Variants in UBE2D3 observed in about 807,000 individuals in gnomAD.
The protein encoded by UBE2D3 is ubiquitin-conjugating enzyme E2 D3.
UBE2D3 carries 2 observed loss-of-function variants against 22.8 expected under a neutral mutation model. The observed-to-expected ratio is 0.09, with a 90% CI of 0.04 to 0.28. UBE2D3 has a LOEUF of 0.28. Ranked by LOEUF, UBE2D3 falls within the 10% of genes least tolerant of loss-of-function variation. UBE2D3 has a pLI of 1.00. For synonymous variants in UBE2D3, 56 were observed against 60.4 expected, an observed-to-expected ratio of 0.93 and a Z score of 0.34; for missense variants, 27 against 182.5, an observed-to-expected ratio of 0.15 and a Z score of 4.91.
intron 4 of UBE2D3, among the ~76,000 whole-genome samples, chr4:102,807,763 C>T (rs781606368): frequency 2.0e-5 from 3 of 152,172 alleles, no homozygotes; most frequent in Admixed American, 2.0e-4. Flanking sequence ...GAATAAGCAA[C>T]ACCATTCTCT....
chr4:102,835,777 C>CATATAT (rs35910265), intron 1 of UBE2D3, among the ~76,000 whole-genome samples: 19 of 151,810 alleles, frequency 1.3e-4, no homozygotes, highest in African/African-American at 4.4e-4. Context: ...GATAAGCTAA[C>CATATAT]ATATATATAT....
At chr4:102,825,621 T>A (rs887765028) in intron 2 of UBE2D3, 219 of 1,221,940 alleles carry the variant, frequency 1.8e-4, no homozygotes, top group Non-Finnish European at 2.2e-4. Context: ...CTCCGAAAAA[T>A]CCTAGTTTTT....
At chr4:102,810,055 A>G in intron 2 of UBE2D3, 200 bp from the exon 3 acceptor site, 1 of 542,676 alleles carries the variant, frequency 1.8e-6, no homozygotes, top group Non-Finnish European at 3.3e-6. Flanking sequence ...GTTCGTAAAA[A>G]TATATATGCA....
At chr4:102,859,285 T>C (rs1454267793) in intron 1 of UBE2D3, among the ~76,000 whole-genome samples, 1 of 152,034 alleles carries the variant, frequency 6.6e-6, no homozygotes, top group Non-Finnish European at 1.5e-5. Flanking sequence ...GAAAGTCTTA[T>C]AGGAGCTCCC....
chr4:102,834,741 C>A lies in UBE2D3; in HGVS notation c.-128-8105G>T, dbSNP rs558346029. Among the ~76,000 whole-genome samples, 9 of 151,346 alleles carry A rather than the reference C, an allele frequency of 5.9e-5. No individual in the cohort carries two copies. In the South Asian group the frequency reaches 1.7e-3, roughly 28 times the overall value. On this transcript the variant is annotated intron_variant, in intron 1 of 7. Coordinates refer to the UBE2D3 transcript ENST00000338145. ...TCCAGCCTGGATGACAGAGTGAGAC[C>A]CTGTCTGGAAAAAAAAAAAAGATTC...
chr4:102,797,701 T>C (rs967440220), intron 7 of UBE2D3, among the ~76,000 whole-genome samples: 2 of 151,766 alleles, frequency 1.3e-5, no homozygotes. Flanking sequence ...GCACTGAAAA[T>C]TGGGAGGCTA....
intron 1 of UBE2D3, among the ~76,000 whole-genome samples, chr4:102,850,932 G>C (rs2110367167): frequency 6.6e-6 from 1 of 151,790 alleles, no homozygotes; most frequent in African/African-American, 2.4e-5. Context: ...AACTTTGTTG[G>C]GGGCGGGTGA....
At chr4:102,818,003 A>T (rs1729021757) in intron 2 of UBE2D3, among the ~76,000 whole-genome samples, 1 of 152,210 alleles carries the variant, frequency 6.6e-6, no homozygotes, top group African/African-American at 2.4e-5. Flanking sequence ...GTCTAGAGGA[A>T]GAGGAACAGT....
chr4:102,826,170 C>G (rs1730443354), intron 2 of UBE2D3, among the ~76,000 whole-genome samples: 1 of 151,872 alleles, frequency 6.6e-6, no homozygotes, highest in South Asian at 2.1e-4. Flanking sequence ...CAATTCGGAC[C>G]CCCAAAAAAA....
intron 2 of UBE2D3, among the ~76,000 whole-genome samples, chr4:102,823,122 G>A (rs1729892036): frequency 6.6e-6 from 1 of 151,992 alleles, no homozygotes; most frequent in Non-Finnish European, 1.5e-5. Flanking sequence ...AATGAGTTAG[G>A]GTTTAGATGA....
rs1732784065 is a variant in UBE2D3 at position 102,859,620 on chromosome 4, C to T, written c.-129+9095G>A. On this transcript the variant is annotated intron_variant, in intron 1 of 7. Transcript: ENST00000338145. ...TTATTTCTTTAAATAAGCAATCTGC[C>T]TCCTTTCTCTTTCTCTGCTTGCTCT... 3.3e-5 allele frequency among the ~76,000 whole-genome samples: 5 copies of T among 150,458 alleles called. No individual in the cohort carries two copies. In the South Asian group the frequency reaches 1.1e-3, roughly 32 times the overall value.
At chr4:102,841,666 A>C (rs1731763975) in intron 1 of UBE2D3, among the ~76,000 whole-genome samples, 1 of 152,194 alleles carries the variant, frequency 6.6e-6, no homozygotes, top group Non-Finnish European at 1.5e-5. Flanking sequence ...TTCATCACTC[A>C]AGTATTTATT....
chr4:102,824,939 CG>C (rs1421662954), intron 2 of UBE2D3, among the ~76,000 whole-genome samples: 1 of 152,168 alleles, frequency 6.6e-6, no homozygotes, highest in East Asian at 1.9e-4. Flanking sequence ...TCCTAAAAAG[CG>C]TTTCTTCCTC....
intron 7 of UBE2D3, 37 bp downstream of exon 7, chr4:102,799,370 T>A (rs1475961118): frequency 6.4e-7 from 1 of 1,571,266 alleles, no homozygotes; most frequent in Admixed American, 1.7e-5. Context: ...ACTCATTAAG[T>A]AAAACCACTT....
At chr4:102,818,335 T>C (rs1407205484) in intron 2 of UBE2D3, among the ~76,000 whole-genome samples, 1 of 152,248 alleles carries the variant, frequency 6.6e-6, no homozygotes, top group African/African-American at 2.4e-5. Context: ...CATCTTCCTC[T>C]GAGCTGCTTC....
chr4:102,812,213 G>GT (rs1263345821), intron 2 of UBE2D3: 1 of 153,234 alleles, frequency 6.5e-6, no homozygotes, highest in African/African-American at 2.4e-5. Context: ...TTAAGCCCAG[G>GT]TGTTTCAGGT....
chr4:102,857,423 A>C (rs950072054), intron 1 of UBE2D3, among the ~76,000 whole-genome samples: 1 of 152,218 alleles, frequency 6.6e-6, no homozygotes, highest in African/African-American at 2.4e-5. Context: ...ATTGAGTGGA[A>C]TTTAAAGTTT....
At chr4:102,811,912 C>A in intron 2 of UBE2D3, 4 of 310,382 alleles carry the variant, frequency 1.3e-5, no homozygotes, top group South Asian at 1.0e-4. Context: ...AATATCAATG[C>A]ATCCGTGTAT....
chr4:102,827,495 G>T lies in UBE2D3; in HGVS notation c.-197C>A. 1.0e-6 allele frequency: 1 copy of T among 985,918 alleles called. No individual in the cohort carries two copies. Among genetic ancestry groups the T allele is most frequent in the Non-Finnish European group, 1.2e-6 (1 of 830,090 alleles). 61.1% of individuals were successfully genotyped at this position (985,918 alleles called of 1,614,324 possible). A position where few individuals can be genotyped will look rare whatever the true frequency, so the allele number is the denominator to read the frequency against. ...CCCGCGCGGCAGCTGGTGCCTCCCC[G>T]GCCCTACGGGGCTCACGCGCACGAC... is the stretch of plus-strand genomic sequence containing the variant. On this transcript the variant is annotated 5_prime_UTR_variant, in exon 1 of 8. Coordinates refer to ENST00000453744, the MANE Select transcript of UBE2D3 (RefSeq NM_181891.3).
Sources: gnomAD v4.1 joint callset for allele counts (sites outside exome capture counted in the v4.1 genomes callset) on GRCh38, gnomAD v4.1.1 for gene constraint, MANE v1.5 for transcripts, NCBI Gene and HGNC (gene_info 2026-07-23, HGNC 2026-07-21) for gene names.